Variants in ENOX1 observed in about 807,000 individuals in gnomAD.
ENOX1 encodes candidate growth-related and time keeping constitutive hydroquinone (NADH) oxidase.
ENOX1 carries 42 observed loss-of-function variants against 82.5 expected under a neutral mutation model. The ratio of observed to expected loss-of-function variants is 0.51; its 90% confidence interval spans 0.40 to 0.66. The LOEUF (loss-of-function observed/expected upper bound fraction) is 0.66. ENOX1 is among the 30% of genes least tolerant of loss of function. The probability of loss-of-function intolerance (pLI) is 0.00; values close to 1 mark genes in which losing one functional copy is unlikely to be tolerated. For missense variants in ENOX1, 608 were observed against 811.6 expected (o/e 0.75, Z 3.05); for synonymous variants, 271 against 282.2 (o/e 0.96, Z 0.40).
chr13:43,656,472 C>G (rs1347860809), intron 2 of ENOX1, among the ~76,000 whole-genome samples: 1 of 152,166 alleles, frequency 6.6e-6, no homozygotes, highest in Non-Finnish European at 1.5e-5. Context: ...ATGTCACAGG[C>G]TTCATCCAAA....
intron 2 of ENOX1, among the ~76,000 whole-genome samples, chr13:43,532,504 A>G (rs913377221): frequency 2.6e-5 from 4 of 152,292 alleles, no homozygotes; most frequent in Non-Finnish European, 5.9e-5. Flanking sequence ...CGATGGGGCA[A>G]AAGCAATGGT....
At chr13:43,644,446 T>G (rs1045426596) in intron 2 of ENOX1, among the ~76,000 whole-genome samples, 1 of 152,212 alleles carries the variant, frequency 6.6e-6, no homozygotes, top group Non-Finnish European at 1.5e-5. Flanking sequence ...GGATGATTTT[T>G]AAATGACGAC....
chr13:43,674,462 A>G (rs1483757347), intron 1 of ENOX1, among the ~76,000 whole-genome samples: 3 of 152,196 alleles, frequency 2.0e-5, no homozygotes, highest in African/African-American at 7.2e-5. Flanking sequence ...GCACATTGCT[A>G]AGTGAAAGAA....
chr13:43,215,031 G>T (rs554335064), intron 16 of ENOX1, among the ~76,000 whole-genome samples: 1 of 152,210 alleles, frequency 6.6e-6, no homozygotes. Flanking sequence ...AATAAGGATA[G>T]CATGAAAATT....
chr13:43,487,694 TGA>T (rs1284008725), intron 2 of ENOX1, among the ~76,000 whole-genome samples: 1 of 152,204 alleles, frequency 6.6e-6, no homozygotes, highest in Non-Finnish European at 1.5e-5. Flanking sequence ...ATCTCCAATG[TGA>T]CCTTTCCTGG....
At chr13:43,626,548 C>T (rs1224353150) in intron 2 of ENOX1, among the ~76,000 whole-genome samples, 1 of 151,798 alleles carries the variant, frequency 6.6e-6, no homozygotes, top group African/African-American at 2.4e-5. Flanking sequence ...CCCCGATACT[C>T]TGACCCACGC....
intron 9 of ENOX1, among the ~76,000 whole-genome samples, chr13:43,332,364 C>T (rs972983546): frequency 2.6e-5 from 4 of 152,092 alleles, no homozygotes; most frequent in Admixed American, 6.5e-5. Context: ...AATCTAATGC[C>T]GCTGCTGATC....
At chr13:43,392,206 T>G (rs1346783768) in intron 5 of ENOX1, among the ~76,000 whole-genome samples, 1 of 152,262 alleles carries the variant, frequency 6.6e-6, no homozygotes, top group East Asian at 1.9e-4. Context: ...TATTATTTCC[T>G]TTATAGTAAT....
intron 15 of ENOX1, among the ~76,000 whole-genome samples, chr13:43,225,435 A>G (rs1027115143): frequency 1.3e-5 from 2 of 152,198 alleles, no homozygotes; most frequent in Non-Finnish European, 2.9e-5. Flanking sequence ...AAAAGAAACA[A>G]AAGAAAAGTT....
rs564533695 is a variant in ENOX1, at chr13:43,737,610, A to G, written c.-285+49042T>C. On this transcript the variant is annotated intron_variant, in intron 1 of 16. Coordinates refer to ENST00000690772, the MANE Select transcript of ENOX1 (RefSeq NM_001347969.2). ...TTTACATGAGTTATATACATTACCC[A>G]AATGCATATTCAACATATTTATAAA... Among the ~76,000 whole-genome samples, 12 of 152,298 alleles carry G rather than the reference A, an allele frequency of 7.9e-5. 1 individual carries two copies. The East Asian group carries it at 2.3e-3, about 29-fold the overall frequency.
chr13:43,456,280 G>T (rs1240566648), intron 3 of ENOX1, among the ~76,000 whole-genome samples: 1 of 151,488 alleles, frequency 6.6e-6, no homozygotes, highest in Non-Finnish European at 1.5e-5. Flanking sequence ...TTATGTCAGT[G>T]GATATCCTCA....
intron 1 of ENOX1, among the ~76,000 whole-genome samples, chr13:43,748,656 C>G (rs1246554752): frequency 6.6e-6 from 1 of 152,130 alleles, no homozygotes; most frequent in Non-Finnish European, 1.5e-5. Flanking sequence ...GAAAATACCT[C>G]CTCCTTCAAA....
intron 9 of ENOX1, among the ~76,000 whole-genome samples, chr13:43,339,656 G>C (rs1381769058): frequency 6.6e-6 from 1 of 152,148 alleles, no homozygotes; most frequent in Non-Finnish European, 1.5e-5. Flanking sequence ...ATGCCATGAA[G>C]GACGGCATTG....
chr13:43,448,820 C>T (rs1162744177), intron 3 of ENOX1, among the ~76,000 whole-genome samples: 1 of 152,176 alleles, frequency 6.6e-6, no homozygotes, highest in Admixed American at 6.5e-5. Context: ...GCGGCATCGC[C>T]ACCAACAAGC....
At chr13:43,227,524 G>A (rs1593428875) in intron 15 of ENOX1, among the ~76,000 whole-genome samples, 1 of 152,284 alleles carries the variant, frequency 6.6e-6, no homozygotes, top group East Asian at 1.9e-4. Context: ...CAAAAACCAG[G>A]TAACTTTGAG....
intron 1 of ENOX1, among the ~76,000 whole-genome samples, chr13:43,673,466 T>C (rs1229850272): frequency 6.6e-6 from 1 of 152,196 alleles, no homozygotes; most frequent in Non-Finnish European, 1.5e-5. Context: ...TTTACAAGGA[T>C]AAAGCAATTA....
chr13:43,669,860 C>T (rs60574502), intron 1 of ENOX1, among the ~76,000 whole-genome samples: 7,005 of 152,226 alleles, frequency 0.046, 517 homozygotes, highest in African/African-American at 0.16. Context: ...CTTAGCATTT[C>T]CTAAAATGTA....
rs1260905445 is a variant in ENOX1, at chr13:43,425,596, C to T, written c.-74-12608G>A. Among the ~76,000 whole-genome samples the T allele has an allele frequency of 6.6e-5, 10 of 152,322 alleles. No homozygotes were observed. The East Asian group carries it at 1.9e-3, about 29-fold the overall frequency. On this transcript the variant is annotated intron_variant, in intron 3 of 16. Transcript: ENST00000690772. The stretch of plus-strand genomic sequence containing the variant: ...CAGTCTTACAGACCAAAGGACCCAT[C>T]TGCCTCTGAGCAACTAGTCTATTTT...
At chr13:43,287,452 C>G (rs1301022318) in intron 12 of ENOX1, among the ~76,000 whole-genome samples, 5 of 152,164 alleles carry the variant, frequency 3.3e-5, no homozygotes, top group African/African-American at 9.7e-5. Flanking sequence ...TCGTAGCAAG[C>G]CCTTACTGAG....
Sources: allele counts gnomAD v4.1 joint callset (sites outside exome capture counted in the v4.1 genomes callset), GRCh38; gene constraint gnomAD v4.1.1; transcripts MANE v1.5; gene names NCBI Gene and HGNC (gene_info 2026-07-23, HGNC 2026-07-21).